ZNF322: variants seen among roughly 807,000 people sequenced by gnomAD.
ZNF322 encodes zinc finger protein 322.
In ZNF322, 1 loss-of-function variant was observed where a neutral mutation model predicts 18.3. That is an observed-to-expected ratio of 0.05 (90% CI 0.02 to 0.26). ZNF322 has a LOEUF of 0.26. Ranked by LOEUF, ZNF322 falls within the 10% of genes least tolerant of loss-of-function variation. The pLI, the probability that ZNF322 is intolerant of heterozygous loss-of-function variation, is 1.00. For synonymous variants in ZNF322, 17 were observed against 130.7 expected (o/e 0.13, Z 5.93); for missense variants, 36 against 403.6 (o/e 0.09, Z 7.80).
chr6:26,657,570 C>A (rs1304410735), intron 2 of ZNF322, among the ~76,000 whole-genome samples: 1 of 152,128 alleles, frequency 6.6e-6, no homozygotes, highest in Non-Finnish European at 1.5e-5. Flanking sequence ...TATCACCATT[C>A]AACTTTATGG....
chr6:26,656,088 A>AT, intron 2 of ZNF322, among the ~76,000 whole-genome samples: 1 of 152,298 alleles, frequency 6.6e-6, no homozygotes, highest in East Asian at 1.9e-4. Context: ...CCATTTTGCA[A>AT]TTTTTTGTAT....
intron 2 of ZNF322, among the ~76,000 whole-genome samples, chr6:26,655,300 A>G (rs1386404727): frequency 6.6e-6 from 1 of 152,252 alleles, no homozygotes; most frequent in Non-Finnish European, 1.5e-5. Flanking sequence ...TACTTATTGT[A>G]TGAATGTTAA....
At chr6:26,651,538 A>C (rs1378863458) in intron 2 of ZNF322, 2 of 152,218 alleles carry the variant, frequency 1.3e-5, no homozygotes, top group Non-Finnish European at 2.9e-5. Context: ...AGAGTTCTAC[A>C]TCATGCCTAA....
At chr6:26,646,026 C>T (rs1000725726) in intron 2 of ZNF322, among the ~76,000 whole-genome samples, 20 of 144,352 alleles carry the variant, frequency 1.4e-4, no homozygotes, top group African/African-American at 4.4e-4. Flanking sequence ...AGCGAAACTC[C>T]GCCTCAAAAT....
intron 2 of ZNF322, among the ~76,000 whole-genome samples, chr6:26,647,656 A>G (rs1554148835): frequency 6.6e-6 from 1 of 152,186 alleles, no homozygotes; most frequent in African/African-American, 2.4e-5. Context: ...ATAAATAGAA[A>G]AAGTTATAAA....
chr6:26,647,718 T>C (rs1765581020), intron 2 of ZNF322, among the ~76,000 whole-genome samples: 1 of 152,088 alleles, frequency 6.6e-6, no homozygotes, highest in Admixed American at 6.5e-5. Flanking sequence ...GAAATAATTC[T>C]ATAAATCTAC....
Position 26,638,628 on chromosome 6 carries a change from A to G in ZNF322, c.-75T>C. On this transcript the variant is annotated 5_prime_UTR_variant, in exon 4 of 4. Transcript: ENST00000415922. ...CGTTGCCCTCACAGTCATTTTCTTG[A>G]TAAGAACTTGGAAGATACATCTGTT... The G allele has an allele frequency of 3.7e-6, 4 of 1,073,308 alleles. No homozygotes were observed. The highest frequency in any genetic ancestry group is 5.5e-6 in the Non-Finnish European group (4 of 732,764). The allele number at this position is 1,073,308 out of a possible 1,614,324, so 66.5% of individuals were successfully genotyped here.
Position 26,639,177 on chromosome 6 carries a change from G to C in ZNF322, c.-175-449C>G, listed in dbSNP as rs1425578279. On this transcript the variant is annotated intron_variant, in intron 3 of 3. Transcript: ENST00000415922. ...AAGGTTTCTATGACTCTAATTCGTAGTGGTGATATCAGGCAAGTTTCTTAA... is the reference window on the plus strand; with the variant it reads ...AAGGTTTCTATGACTCTAATTCGTACTGGTGATATCAGGCAAGTTTCTTAA... Among the ~76,000 whole-genome samples the C allele has an allele frequency of 2.0e-5, 3 of 152,168 alleles. 1 individual carries two copies. Among genetic ancestry groups the C allele is most frequent in the South Asian group, 4.1e-4 (2 of 4,826 alleles).
chr6:26,644,413 C>G (rs1765519011), intron 2 of ZNF322, among the ~76,000 whole-genome samples: 1 of 152,196 alleles, frequency 6.6e-6, no homozygotes. Context: ...GGCCATACAG[C>G]TGAGGCTCTC....
At chr6:26,646,542 AACAGAT>A (rs1179778723) in intron 2 of ZNF322, among the ~76,000 whole-genome samples, 2 of 152,224 alleles carry the variant, frequency 1.3e-5, no homozygotes, top group African/African-American at 2.4e-5. Flanking sequence ...AAAACAGAGA[AACAGAT>A]ACAAAGAAAC....
intron 2 of ZNF322, among the ~76,000 whole-genome samples, chr6:26,646,135 A>G (rs142211393): frequency 3.3e-5 from 5 of 152,274 alleles, no homozygotes; most frequent in Admixed American, 3.3e-4. Context: ...AAAGTCATGA[A>G]AGAGCTATGA....
At chr6:26,646,149 C>A in intron 2 of ZNF322, among the ~76,000 whole-genome samples, 1 of 151,382 alleles carries the variant, frequency 6.6e-6, no homozygotes, top group East Asian at 1.9e-4. Context: ...GCTATGAAAA[C>A]CTATCGTAGA....
chr6:26,639,284 G>A (rs954285155), intron 3 of ZNF322, among the ~76,000 whole-genome samples: 4 of 152,072 alleles, frequency 2.6e-5, no homozygotes, highest in Non-Finnish European at 5.9e-5. Context: ...ATATTAAATC[G>A]CTATGAATCT....
chr6:26,639,744 A>C (rs1765434598), intron 3 of ZNF322, among the ~76,000 whole-genome samples: 2 of 152,132 alleles, frequency 1.3e-5, no homozygotes, highest in Non-Finnish European at 2.9e-5. Flanking sequence ...TCATACATTC[A>C]GACCCCTCGT....
intron 2 of ZNF322, among the ~76,000 whole-genome samples, chr6:26,649,691 A>T (rs1194361674): frequency 7.1e-5 from 5 of 70,362 alleles, no homozygotes; most frequent in Admixed American, 1.4e-4. Flanking sequence ...ATATATATAT[A>T]TATATATATA....
At chr6:26,655,204 C>T (rs1487063729) in intron 2 of ZNF322, among the ~76,000 whole-genome samples, 4 of 152,174 alleles carry the variant, frequency 2.6e-5, no homozygotes, top group African/African-American at 7.2e-5. Context: ...TCTTGGTCCA[C>T]AGAAAACATT....
chr6:26,649,170 T>C (rs1411023747), intron 2 of ZNF322, among the ~76,000 whole-genome samples: 2 of 152,254 alleles, frequency 1.3e-5, no homozygotes, highest in South Asian at 2.1e-4. Context: ...AGGACAGCCA[T>C]GAAGCAATGA....
chr6:26,640,602 A>G (rs1215967232), intron 3 of ZNF322, among the ~76,000 whole-genome samples: 1 of 152,102 alleles, frequency 6.6e-6, no homozygotes, highest in East Asian at 1.9e-4. Flanking sequence ...CAGCTGACTC[A>G]CAAAAACAAC....
chr6:26,644,092 G>A lies in ZNF322; in HGVS notation c.-245-364C>T, dbSNP rs78430516. ...TCCAAAGTGTAATAGGGACTACAAA[G>A]TATTTTTGGGATTATAACAAAATTA... On this transcript the variant is annotated intron_variant, in intron 2 of 3. Transcript: ENST00000415922. Among the ~76,000 whole-genome samples, 903 of 152,264 alleles carry A rather than the reference G, an allele frequency of 5.9e-3. 12 individuals are homozygous for A. The highest frequency in any genetic ancestry group is 0.041 in the East Asian group (214 of 5,188).
Sources: allele counts gnomAD v4.1 joint callset (sites outside exome capture counted in the v4.1 genomes callset), GRCh38; gene constraint gnomAD v4.1.1; transcripts MANE v1.5; gene names NCBI Gene and HGNC (gene_info 2026-07-23, HGNC 2026-07-21).